The following TET2 variants were observed in gnomAD, a reference collection of about 807,000 sequenced individuals.
TET2 encodes the protein tet methylcytosine dioxygenase 2.
Under a neutral mutation model 142.9 loss-of-function variants are expected in TET2, and 299 were observed. The observed-to-expected ratio is 2.09, with a 90% CI of 1.90 to 2.30. The LOEUF is 2.30. TET2 is among the 30% of genes most tolerant of loss of function. The pLI is 0.00. For missense variants in TET2, 2,418 were observed against 2,378.0 expected, an observed-to-expected ratio of 1.02 and a Z score of -0.35; for synonymous variants, 819 against 849.0, an observed-to-expected ratio of 0.96 and a Z score of 0.61.
intron 1 of TET2, among the ~76,000 whole-genome samples, chr4:105,160,933 G>A (rs1423167771): frequency 1.3e-5 from 2 of 152,058 alleles, no homozygotes; most frequent in African/African-American, 4.8e-5. Context: ...TCGCCACCAC[G>A]CCCGGCTAAT....
intron 2 of TET2, among the ~76,000 whole-genome samples, chr4:105,197,473 G>A (rs1006782736): frequency 6.6e-6 from 1 of 152,174 alleles, no homozygotes; most frequent in African/African-American, 2.4e-5. Flanking sequence ...AGCAGAAAGT[G>A]GTCAGTGGAC....
chr4:105,252,471 G>C (rs1729918001), intron 6 of TET2, among the ~76,000 whole-genome samples: 1 of 152,168 alleles, frequency 6.6e-6, no homozygotes, highest in Non-Finnish European at 1.5e-5. Flanking sequence ...GAATAAAGCT[G>C]TTATAAAAGT....
At chr4:105,272,435 A>G (rs1731008548) in intron 9 of TET2, 129 bp from the exon 10 acceptor site, 2 of 623,752 alleles carry the variant, frequency 3.2e-6, no homozygotes, top group Non-Finnish European at 5.5e-6. Context: ...GGTAATATAT[A>G]TGTCACTGAT....
At chr4:105,177,601 T>A (rs1724876316) in intron 1 of TET2, 1 of 152,236 alleles carries the variant, frequency 6.6e-6, no homozygotes, top group African/African-American at 2.4e-5. Context: ...CCTGTTAGAA[T>A]GGCTGAAGTC....
chr4:105,264,364 T>A (rs930839237), intron 8 of TET2, among the ~76,000 whole-genome samples: 6 of 152,180 alleles, frequency 3.9e-5, no homozygotes, highest in East Asian at 1.9e-4. Context: ...AATAAATGAA[T>A]GAGTCTATGT....
At chr4:105,260,665 A>G (rs1730379656) in intron 7 of TET2, among the ~76,000 whole-genome samples, 1 of 152,132 alleles carries the variant, frequency 6.6e-6, no homozygotes, top group Admixed American at 6.6e-5. Flanking sequence ...TTAAATGAAG[A>G]ATTTGTTAAC....
At chr4:105,157,937 A>G (rs1339906731) in intron 1 of TET2, among the ~76,000 whole-genome samples, 1 of 152,128 alleles carries the variant, frequency 6.6e-6, no homozygotes, top group Non-Finnish European at 1.5e-5. Flanking sequence ...TCTGCTTCCT[A>G]AAGTGCTGGG....
intron 2 of TET2, among the ~76,000 whole-genome samples, chr4:105,194,950 A>G (rs188885442): frequency 1.6e-3 from 239 of 152,316 alleles, no homozygotes; most frequent in African/African-American, 5.6e-3. Flanking sequence ...GAGTGGTATC[A>G]GTAGTCTCTG....
chr4:105,264,256 G>A lies in TET2; in HGVS notation c.4044+2408G>A, dbSNP rs140265777. Among the ~76,000 whole-genome samples the A allele has an allele frequency of 2.1e-3, 316 of 152,128 alleles. 1 individual carries two copies. Among genetic ancestry groups the A allele is most frequent in the African/African-American group, 7.4e-3 (307 of 41,500 alleles). On this transcript the variant is annotated intron_variant, in intron 8 of 10. Transcript: ENST00000380013. ...ATAGTTGGATTAATACTGTTATTTT[G>A]TTTAGCTAGTATCACAAAGTATAAG...
At chr4:105,230,116 A>T (rs1230341875) in intron 2 of TET2, among the ~76,000 whole-genome samples, 1 of 152,020 alleles carries the variant, frequency 6.6e-6, no homozygotes, top group Non-Finnish European at 1.5e-5. Context: ...ATCTCACCTC[A>T]CTGCAGTGTC....
Position 105,234,010 on chromosome 4 carries a change from C to G in TET2, c.68C>G (p.Pro23Arg), listed in dbSNP as rs776833011. 6.2e-7 allele frequency: 1 copy of G among 1,614,090 alleles called. No individual in the cohort carries two copies. Among genetic ancestry groups the G allele is most frequent in the East Asian group, 2.2e-5 (1 of 44,860 alleles). ...RLSPFLIPSP[P>R]ICQTEPLATK... ...AGTCCATTCCTGATACCATCACCTC[C>G]CATTTGCCAGACAGAACCTCTGGCT... Residue 23 changes from proline (P) to arginine (R), a missense_variant, in exon 3 of 11, where the codon CCC becomes CGC. Physicochemically the swap from Pro to Arg is moderately radical, Grantham distance 103. Transcript: ENST00000380013.
chr4:105,244,584 A>ATCT (rs1237638072), intron 6 of TET2, among the ~76,000 whole-genome samples: 1,862 of 116,716 alleles, frequency 0.016, 356 homozygotes, highest in African/African-American at 0.063. Context: ...CTACACAGAA[A>ATCT]TGTTTTTTTT....
chr4:105,242,790 A>C (rs2110252333), intron 4 of TET2, 44 bp from the exon 5 acceptor site: 1 of 1,532,026 alleles, frequency 6.5e-7, no homozygotes, highest in East Asian at 2.5e-5. Flanking sequence ...TCTTGAATTC[A>C]TTTGCTAATT....
intron 7 of TET2, among the ~76,000 whole-genome samples, chr4:105,260,403 C>A (rs1419769474): frequency 1.3e-5 from 2 of 151,650 alleles, no homozygotes; most frequent in East Asian, 3.9e-4. Flanking sequence ...GACTACATTC[C>A]TATAAATCCG....
At chr4:105,229,379 C>T (rs1045149068) in intron 2 of TET2, among the ~76,000 whole-genome samples, 1 of 152,168 alleles carries the variant, frequency 6.6e-6, no homozygotes, top group African/African-American at 2.4e-5. Context: ...GGCGCGATCT[C>T]GGCTCACTGC....
chr4:105,218,255 G>C (rs1326901855), intron 2 of TET2, among the ~76,000 whole-genome samples: 1 of 151,988 alleles, frequency 6.6e-6, no homozygotes, highest in Non-Finnish European at 1.5e-5. Context: ...TCCTAGTGAT[G>C]TGATCATATT....
At chr4:105,186,473 CTTT>C (rs1224419124) in intron 1 of TET2, among the ~76,000 whole-genome samples, 1 of 115,102 alleles carries the variant, frequency 8.7e-6, no homozygotes, top group Non-Finnish European at 1.8e-5. Flanking sequence ...TTTGCATTTT[CTTT>C]TTTTTTTTTT....
In TET2 at chr4:105,208,441, A is replaced by G. The variant is rs371810141; in HGVS notation, c.-47+17936A>G. On this transcript the variant is annotated intron_variant, in intron 2 of 10. Coordinates refer to ENST00000380013, the MANE Select transcript of TET2 (RefSeq NM_001127208.3). ...ATTTTGAGTTATCTGAAGGATCAAT[A>G]TCTCAAACTAGGAAACTGTAGCTTT... Among the ~76,000 whole-genome samples the G allele has an allele frequency of 3.5e-4, 54 of 152,282 alleles. No individual in the cohort carries two copies. In the East Asian group the frequency reaches 7.3e-3, roughly 21 times the overall value.
At chr4:105,262,362 AAC>A (rs1730481269) in intron 8 of TET2, among the ~76,000 whole-genome samples, 1 of 143,174 alleles carries the variant, frequency 7.0e-6, no homozygotes, top group Non-Finnish European at 1.5e-5. Flanking sequence ...ACCAAGCAAA[AAC>A]ATTTTTTTTT....
Sources: allele counts gnomAD v4.1 joint callset (sites outside exome capture counted in the v4.1 genomes callset), GRCh38; gene constraint gnomAD v4.1.1; transcripts MANE v1.5; gene names NCBI Gene and HGNC (gene_info 2026-07-23, HGNC 2026-07-21).